The following MYO9A variants were observed in gnomAD, a reference collection of about 807,000 sequenced individuals.
The protein encoded by MYO9A is unconventional myosin-IXa.
Under a neutral mutation model 293.3 loss-of-function variants are expected in MYO9A, and 103 were observed. That is an observed-to-expected ratio of 0.35 (90% CI 0.30 to 0.41). MYO9A has a LOEUF of 0.41. Ranked by LOEUF, MYO9A falls within the 10% of genes least tolerant of loss-of-function variation. MYO9A has a pLI of 1.00. For synonymous variants in MYO9A, 1,001 were observed against 1,035.7 expected (o/e 0.97, Z 0.64); for missense variants, 2,685 against 3,033.0 (o/e 0.89, Z 2.69).
At chr15:72,023,798 C>CA (rs2077579649) in intron 4 of MYO9A, among the ~76,000 whole-genome samples, 1 of 151,454 alleles carries the variant, frequency 6.6e-6, no homozygotes, top group Non-Finnish European at 1.5e-5. Context: ...AAACAATTGC[C>CA]AAAATCTCTC....
chr15:71,823,979 C>T lies in MYO9A; in HGVS notation c.*2601G>A, dbSNP rs970891070. 2 of 152,212 alleles carry T rather than the reference C, an allele frequency of 1.3e-5. No individual in the cohort carries two copies. Among genetic ancestry groups the T allele is most frequent in the African/African-American group, 4.8e-5 (2 of 41,454 alleles). The allele number at this position is 152,212 out of a possible 1,614,324, so 9.4% of individuals were successfully genotyped here. A position where few individuals can be genotyped will look rare whatever the true frequency, so the allele number is the denominator to read the frequency against. On this transcript the variant is annotated 3_prime_UTR_variant, in exon 42 of 42. Transcript: ENST00000356056. ...GCCAGTGAGAACAGATGGATGCAGACACAGCGTTTGGTTCTGAAGGTTTTT... is the reference window on the plus strand; with the variant it reads ...GCCAGTGAGAACAGATGGATGCAGATACAGCGTTTGGTTCTGAAGGTTTTT...
At chr15:71,948,902 G>T (rs2058985685) in intron 15 of MYO9A, among the ~76,000 whole-genome samples, 1 of 145,164 alleles carries the variant, frequency 6.9e-6, no homozygotes, top group Non-Finnish European at 1.5e-5. Flanking sequence ...CAGTTAATCT[G>T]TCTGGACTCA....
chr15:71,918,496 A>C lies in MYO9A; in HGVS notation c.2563-2004T>G, dbSNP rs184082205. 3.3e-3 allele frequency among the ~76,000 whole-genome samples: 497 copies of C among 150,728 alleles called. 3 individuals are homozygous for C. Among genetic ancestry groups the C allele is most frequent in the African/African-American group, 0.011 (473 of 41,350 alleles). On this transcript the variant is annotated intron_variant, in intron 18 of 41. Transcript: ENST00000356056. Reference sequence around the variant, plus strand: ...AAAATATTTGTAAGCACTATTGATCAAAAAAAAAGCCATGTAAAACAACAC... The same window carrying C: ...AAAATATTTGTAAGCACTATTGATCCAAAAAAAAGCCATGTAAAACAACAC...
Position 71,824,657 on chromosome 15 carries a change from ATTAT to A in MYO9A, c.*1919_*1922del, listed in dbSNP as rs1337181761. On this transcript the variant is annotated 3_prime_UTR_variant, in exon 42 of 42. Coordinates refer to ENST00000356056, the MANE Select transcript of MYO9A (RefSeq NM_006901.4). Reference sequence around the variant, plus strand: ...AAATTCAGATTTTTAAAAGCTTAACATTATTTATTACTCCTCAGGACAAGATGAA... The same window carrying A: ...AAATTCAGATTTTTAAAAGCTTAACATTATTACTCCTCAGGACAAGATGAA... The A allele has an allele frequency of 1.3e-5, 2 of 152,190 alleles. No homozygotes were observed. The highest frequency in any genetic ancestry group is 2.4e-5 in the African/African-American group (1 of 41,430). The allele number at this position is 152,190 out of a possible 1,614,324, so 9.4% of individuals were successfully genotyped here.
chr15:72,030,838 A>G (rs1228507336), intron 3 of MYO9A, among the ~76,000 whole-genome samples: 1 of 152,086 alleles, frequency 6.6e-6, no homozygotes, highest in Non-Finnish European at 1.5e-5. Context: ...CTATACATAC[A>G]TACCTATGAC....
At chr15:72,103,441 C>A (rs553787870) in intron 1 of MYO9A, among the ~76,000 whole-genome samples, 5 of 139,524 alleles carry the variant, frequency 3.6e-5, no homozygotes, top group African/African-American at 8.9e-5. Flanking sequence ...GCAGCAGAAG[C>A]AGAAGCAGCA....
chr15:72,028,373 C>T (rs929129928), intron 3 of MYO9A, among the ~76,000 whole-genome samples: 19 of 151,022 alleles, frequency 1.3e-4, no homozygotes, highest in Admixed American at 2.6e-4. Context: ...CCAGGCCAGG[C>T]GCAGTGGCTC....
At position 71,984,029 on chromosome 15, in the gene MYO9A, T is replaced by C. The variant is rs1010717762; in HGVS notation, c.1723-5737A>G. Among the ~76,000 whole-genome samples the C allele has an allele frequency of 2.6e-5, 4 of 152,338 alleles. No homozygotes were observed. The East Asian group carries it at 5.8e-4, about 22-fold the overall frequency. ...AGTCTTATTGTTGTATCTTTAAAGATAGAGATGTCCCTGACTTACGATGAT... is the reference window on the plus strand; with the variant it reads ...AGTCTTATTGTTGTATCTTTAAAGACAGAGATGTCCCTGACTTACGATGAT... On this transcript the variant is annotated intron_variant, in intron 11 of 41. Transcript: ENST00000356056.
chr15:71,976,769 C>T (rs1342175416), intron 12 of MYO9A, among the ~76,000 whole-genome samples: 2 of 152,142 alleles, frequency 1.3e-5, no homozygotes, highest in Non-Finnish European at 2.9e-5. Context: ...ATTTTAATTT[C>T]TTTAGATTAA....
Position 71,888,326 on chromosome 15 carries a change from G to A in MYO9A, c.5143-210C>T, listed in dbSNP as rs55765908. ...TGACTTGGTCAATGAAAATAAACAGGATCTACCAGTTCATATTTTCTGACA... is the reference window on the plus strand; with the variant it reads ...TGACTTGGTCAATGAAAATAAACAGAATCTACCAGTTCATATTTTCTGACA... On this transcript the variant is annotated intron_variant, in intron 26 of 41. Coordinates refer to ENST00000356056, the MANE Select transcript of MYO9A (RefSeq NM_006901.4). The A allele has an allele frequency of 9.3e-3, 2,893 of 312,480 alleles. 26 individuals are homozygous for A. Among genetic ancestry groups the A allele is most frequent in the Non-Finnish European group, 0.012 (2,038 of 171,970 alleles). 19.4% of individuals were successfully genotyped at this position (312,480 alleles called of 1,614,324 possible).
intron 27 of MYO9A, among the ~76,000 whole-genome samples, chr15:71,886,174 GATTATT>G (rs1323565920): frequency 2.9e-5 from 4 of 139,614 alleles, no homozygotes; most frequent in Non-Finnish European, 6.1e-5. Flanking sequence ...AGTGGTATGT[GATTATT>G]ATTTAAAGTA....
chr15:72,021,596 A>G (rs993790843), intron 4 of MYO9A, among the ~76,000 whole-genome samples: 4 of 152,268 alleles, frequency 2.6e-5, no homozygotes, highest in African/African-American at 7.2e-5. Context: ...TGACTCTACA[A>G]GATTCAATTC....
At chr15:72,050,367 G>A (rs2078520625) in intron 1 of MYO9A, among the ~76,000 whole-genome samples, 1 of 152,034 alleles carries the variant, frequency 6.6e-6, no homozygotes, top group Non-Finnish European at 1.5e-5. Context: ...CCAGCACTTT[G>A]GGAGGCCGAG....
chr15:71,910,310 A>G (rs1007386702), intron 19 of MYO9A, among the ~76,000 whole-genome samples: 3 of 151,556 alleles, frequency 2.0e-5, no homozygotes, highest in African/African-American at 7.3e-5. Context: ...TTTTAAGATG[A>G]TAAGTTAATT....
intron 3 of MYO9A, 149 bp from the exon 4 acceptor site, chr15:72,027,942 A>C (rs914948729): frequency 5.1e-6 from 3 of 583,806 alleles, no homozygotes; most frequent in African/African-American, 3.8e-5. Flanking sequence ...TCACACCTGT[A>C]ATCTCAGCAC....
At chr15:72,029,595 G>C (rs2077797397) in intron 3 of MYO9A, among the ~76,000 whole-genome samples, 2 of 152,212 alleles carry the variant, frequency 1.3e-5, no homozygotes, top group African/African-American at 2.4e-5. Context: ...TATGACCCAA[G>C]TTACGTATGA....
chr15:71,998,316 G>GA (rs1368622349), intron 9 of MYO9A, among the ~76,000 whole-genome samples: 1 of 152,086 alleles, frequency 6.6e-6, no homozygotes, highest in African/African-American at 2.4e-5. Flanking sequence ...TGGGAGGAGG[G>GA]AGAGGATCAG....
rs1566944107 is a variant in MYO9A, at chr15:72,007,808, G to A, written c.1380+18C>T. ...GTTACAAAGATTTGAAATGACAACT[G>A]AAAATGTAATCACTCACCTCTAATA... is the stretch of plus-strand genomic sequence containing the variant. On this transcript the variant is annotated intron_variant, in intron 8 of 41. Coordinates refer to ENST00000356056, the MANE Select transcript of MYO9A (RefSeq NM_006901.4). 1.3e-6 allele frequency: 2 copies of A among 1,598,768 alleles called. No individual in the cohort carries two copies. The highest frequency in any genetic ancestry group is 2.3e-5 in the South Asian group (2 of 87,328).
chr15:72,096,964 C>G (rs1413155828), intron 1 of MYO9A, among the ~76,000 whole-genome samples: 2 of 152,138 alleles, frequency 1.3e-5, no homozygotes, highest in Non-Finnish European at 2.9e-5. Flanking sequence ...AAAACATGAA[C>G]AGATGATAAG....
Sources: gnomAD v4.1 joint callset for allele counts (sites outside exome capture counted in the v4.1 genomes callset) on GRCh38, gnomAD v4.1.1 for gene constraint, MANE v1.5 for transcripts, NCBI Gene and HGNC (gene_info 2026-07-23, HGNC 2026-07-21) for gene names.